Variants in OSBPL1A observed in about 807,000 individuals in gnomAD.
OSBPL1A encodes oxysterol binding protein like 1A.
Under a neutral mutation model 137.1 loss-of-function variants are expected in OSBPL1A, and 80 were observed. That is an observed-to-expected ratio of 0.58 (90% confidence interval 0.49 to 0.70). OSBPL1A has a LOEUF of 0.70. OSBPL1A is among the 30% of genes least tolerant of loss of function. The probability of loss-of-function intolerance (pLI) is 0.00; values close to 1 mark genes in which losing one functional copy is unlikely to be tolerated. For synonymous variants in OSBPL1A, 365 were observed against 389.7 expected (o/e 0.94, Z 0.75); for missense variants, 970 against 1,129.4 (o/e 0.86, Z 2.02).
intron 4 of OSBPL1A, among the ~76,000 whole-genome samples, chr18:24,365,973 T>C (rs1291534299): frequency 1.3e-5 from 2 of 152,100 alleles, no homozygotes; most frequent in African/African-American, 2.4e-5. Context: ...TACCCAGAGA[T>C]AGCATTAATC....
At chr18:24,204,006 A>C (rs1370368875) in intron 17 of OSBPL1A, among the ~76,000 whole-genome samples, 1 of 152,196 alleles carries the variant, frequency 6.6e-6, no homozygotes, top group African/African-American at 2.4e-5. Flanking sequence ...TCGATATATG[A>C]TGTATTCTTA....
intron 2 of OSBPL1A, among the ~76,000 whole-genome samples, chr18:24,371,299 G>T (rs1905616178): frequency 6.6e-6 from 1 of 152,106 alleles, no homozygotes. Flanking sequence ...CCAACAAAAA[G>T]TAATTCAGTC....
At chr18:24,311,863 T>C in intron 13 of OSBPL1A, 121 bp downstream of exon 13, 1 of 1,132,558 alleles carries the variant, frequency 8.8e-7, no homozygotes, top group Non-Finnish European at 1.3e-6. Context: ...TGAAGAACAG[T>C]ACTATTTCTA....
chr18:24,251,403 A>AAG (rs760165147), intron 15 of OSBPL1A, among the ~76,000 whole-genome samples: 5 of 152,098 alleles, frequency 3.3e-5, no homozygotes, highest in South Asian at 2.1e-4. Flanking sequence ...TGGCCGAGCA[A>AAG]AGAGAGAGAG....
At chr18:24,362,953 A>C (rs925065631) in intron 4 of OSBPL1A, among the ~76,000 whole-genome samples, 7 of 152,172 alleles carry the variant, frequency 4.6e-5, no homozygotes, top group Non-Finnish European at 8.8e-5. Flanking sequence ...AGTCCTCCCC[A>C]CCTCCCCAAA....
chr18:24,366,859 A>G (rs780494843), intron 4 of OSBPL1A, 33 bp downstream of exon 4: 17 of 1,590,248 alleles, frequency 1.1e-5, no homozygotes, highest in Middle Eastern at 1.7e-4. Flanking sequence ...CAAATACCTC[A>G]CTTACAAACA....
At chr18:24,202,214 T>G (rs1199676412) in intron 17 of OSBPL1A, among the ~76,000 whole-genome samples, 1 of 152,172 alleles carries the variant, frequency 6.6e-6, no homozygotes, top group Admixed American at 6.5e-5. Flanking sequence ...CTGCGTAACC[T>G]GGGGCAAATC....
chr18:24,236,453 A>G (rs1313966151), intron 16 of OSBPL1A, among the ~76,000 whole-genome samples: 1 of 152,192 alleles, frequency 6.6e-6, no homozygotes, highest in African/African-American at 2.4e-5. Context: ...TGATGATTTC[A>G]ATGAATTGGG....
intron 17 of OSBPL1A, among the ~76,000 whole-genome samples, chr18:24,213,259 C>T (rs1159326234): frequency 6.6e-6 from 1 of 152,108 alleles, no homozygotes; most frequent in Non-Finnish European, 1.5e-5. Flanking sequence ...GACTTGGTTT[C>T]CTATTTTAAG....
intron 1 of OSBPL1A, among the ~76,000 whole-genome samples, chr18:24,394,216 T>C (rs1442494044): frequency 6.6e-6 from 1 of 152,202 alleles, no homozygotes; most frequent in African/African-American, 2.4e-5. Flanking sequence ...TTACCTTCTC[T>C]TATTCATATC....
intron 17 of OSBPL1A, among the ~76,000 whole-genome samples, chr18:24,200,760 C>A (rs957923518): frequency 6.6e-6 from 1 of 151,722 alleles, no homozygotes; most frequent in African/African-American, 2.4e-5. Flanking sequence ...AAGTCAAGAA[C>A]AGACAAAAAA....
At chr18:24,188,494 C>A (rs12970644) in intron 18 of OSBPL1A, among the ~76,000 whole-genome samples, 123,510 of 152,246 alleles carry the variant, frequency 0.81, 50,888 homozygotes, top group Non-Finnish European at 0.89. Flanking sequence ...TAAAATTCTA[C>A]AAGCCTCTTT....
intron 17 of OSBPL1A, among the ~76,000 whole-genome samples, chr18:24,207,686 C>T (rs1485435829): frequency 1.3e-5 from 2 of 152,098 alleles, no homozygotes; most frequent in African/African-American, 4.8e-5. Context: ...GTGTGTTTTG[C>T]ACTTGTGTGT....
chr18:24,294,883 C>T (rs1482272583), intron 14 of OSBPL1A, among the ~76,000 whole-genome samples: 1 of 152,180 alleles, frequency 6.6e-6, no homozygotes, highest in Non-Finnish European at 1.5e-5. Context: ...CATGGATGTG[C>T]ATGTGTCTTT....
intron 13 of OSBPL1A, among the ~76,000 whole-genome samples, chr18:24,308,710 G>C (rs1346142527): frequency 1.3e-5 from 2 of 152,074 alleles, no homozygotes; most frequent in Non-Finnish European, 2.9e-5. Flanking sequence ...AGCCACATGT[G>C]GCTACTGAGC....
intron 7 of OSBPL1A, among the ~76,000 whole-genome samples, chr18:24,329,383 C>T (rs1024745764): frequency 6.6e-6 from 1 of 151,984 alleles, no homozygotes; most frequent in Admixed American, 6.6e-5. Context: ...AACCCCATCT[C>T]TACTAAAAAT....
chr18:24,393,328 T>C (rs1238429255), intron 1 of OSBPL1A, among the ~76,000 whole-genome samples: 1 of 152,260 alleles, frequency 6.6e-6, no homozygotes, highest in East Asian at 1.9e-4. Context: ...AACACTCTGA[T>C]TCTAGAGCTG....
At chr18:24,316,379 G>C (rs146598948) in intron 11 of OSBPL1A, among the ~76,000 whole-genome samples, 15 of 152,240 alleles carry the variant, frequency 9.9e-5, no homozygotes, top group African/African-American at 3.4e-4. Flanking sequence ...AAAATTGCCA[G>C]AATGGGTAAT....
intron 14 of OSBPL1A, among the ~76,000 whole-genome samples, chr18:24,284,940 T>C (rs1307266098): frequency 1.3e-5 from 2 of 152,206 alleles, no homozygotes; most frequent in East Asian, 3.8e-4. Context: ...CAGTGGCTCA[T>C]GCCTGTAATG....
Sources: gnomAD v4.1 joint callset for allele counts (sites outside exome capture counted in the v4.1 genomes callset) on GRCh38, gnomAD v4.1.1 for gene constraint, MANE v1.5 for transcripts, NCBI Gene and HGNC (gene_info 2026-07-23, HGNC 2026-07-21) for gene names.